SCUBE1: variants seen among roughly 807,000 people sequenced by gnomAD.
The protein encoded by SCUBE1 is signal peptide, CUB and EGF-like domain-containing protein 1.
In SCUBE1, 59 loss-of-function variants were observed where a neutral mutation model predicts 124.4. The observed-to-expected ratio is 0.47, with a 90% CI of 0.38 to 0.59. The LOEUF is 0.59. SCUBE1 is among the 20% of genes least tolerant of loss of function. The pLI, the probability that SCUBE1 is intolerant of heterozygous loss-of-function variation, is 0.00. For synonymous variants in SCUBE1, 545 were observed against 550.9 expected (o/e 0.99, Z 0.15); for missense variants, 1,150 against 1,371.2 (o/e 0.84, Z 2.55).
In SCUBE1 at chr22:43,203,693, A is replaced by G. The variant is rs1471450494; in HGVS notation, c.*304T>C. 1.7e-5 allele frequency: 5 copies of G among 286,796 alleles called. No individual in the cohort carries two copies. Among genetic ancestry groups the G allele is most frequent in the African/African-American group, 1.1e-4 (5 of 45,276 alleles). 17.8% of individuals were successfully genotyped at this position (286,796 alleles called of 1,614,324 possible). On this transcript the variant is annotated 3_prime_UTR_variant, in exon 22 of 22. Coordinates refer to ENST00000360835, the MANE Select transcript of SCUBE1 (RefSeq NM_173050.5). ...CCCCTCTCTCCTGAAACGCCAGGCC[A>G]GGCAGAGGGTCCTGCAATCCTGCTA...
chr22:43,251,383 C>T (rs1259794569), intron 6 of SCUBE1, among the ~76,000 whole-genome samples: 1 of 152,206 alleles, frequency 6.6e-6, no homozygotes, highest in African/African-American at 2.4e-5. Context: ...AATAATGCCC[C>T]CTTAAAATGC....
At chr22:43,341,043 A>G (rs1927296262) in intron 1 of SCUBE1, among the ~76,000 whole-genome samples, 1 of 143,454 alleles carries the variant, frequency 7.0e-6, no homozygotes, top group African/African-American at 2.6e-5. Flanking sequence ...CTGAAGGAAG[A>G]GAGGCATCAA....
chr22:43,212,961 G>C (rs1007603495), intron 16 of SCUBE1, among the ~76,000 whole-genome samples: 1 of 152,168 alleles, frequency 6.6e-6, no homozygotes, highest in Non-Finnish European at 1.5e-5. Flanking sequence ...CTGCACCGGG[G>C]TCTCCGCAGA....
intron 7 of SCUBE1, chr22:43,238,633 C>T (rs1049705319): frequency 1.8e-5 from 12 of 650,326 alleles, no homozygotes; most frequent in Admixed American, 6.8e-5. Flanking sequence ...TGTGTTCTCT[C>T]GAACTCTGCT....
In SCUBE1 at chr22:43,281,512, T is replaced by TTCA. The variant is rs1569010943; in HGVS notation, c.484+9533_484+9534insTGA. 7.6e-4 allele frequency among the ~76,000 whole-genome samples: 61 copies of TTCA among 80,298 alleles called. 3 individuals are homozygous for TTCA. In the East Asian group the frequency reaches 9.9e-3, roughly 13 times the overall value. 52.7% of individuals were successfully genotyped at this position (80,298 alleles called of 152,430 possible). A position where few individuals can be genotyped will look rare whatever the true frequency, so the allele number is the denominator to read the frequency against. ...TGGCCACCCTCCTGTCACCTCCTCC[T>TTCA]CAGCCACCCTCCTGTCACCTCCCTC... On this transcript the variant is annotated intron_variant, in intron 4 of 21. Coordinates refer to ENST00000360835, the MANE Select transcript of SCUBE1 (RefSeq NM_173050.5).
In SCUBE1 at chr22:43,214,107, T is replaced by C. The variant is rs1921700494; in HGVS notation, c.2036A>G (p.Asn679Ser). The change falls in exon 16 of 22, where the codon AAC becomes AGC. Residue 679 changes from asparagine (N) to serine (S), a missense_variant. By Grantham distance (46) the Asn-to-Ser change is conservative. This residue lies in a region of SCUBE1 where 757 missense variants were observed against 840.9 expected (regional missense o/e 0.90). Coordinates refer to ENST00000360835, the MANE Select transcript of SCUBE1 (RefSeq NM_173050.5). ...GCACTTGCCTCCACATTCCGACACG[T>C]TGCGGGCACCAGGCAGACCAAGCCC... The part of the protein sequence containing the change: ...SDGLGLPGAR[N>S]VSECGGQCSP... 1 of 1,371,522 alleles carries C rather than the reference T, an allele frequency of 7.3e-7. No homozygotes were observed. Among genetic ancestry groups the C allele is most frequent in the African/African-American group, 1.6e-5 (1 of 62,446 alleles). 85.0% of individuals were successfully genotyped at this position (1,371,522 alleles called of 1,614,324 possible). A position where few individuals can be genotyped will look rare whatever the true frequency, so the allele number is the denominator to read the frequency against.
intron 2 of SCUBE1, among the ~76,000 whole-genome samples, chr22:43,334,563 C>T (rs1263422757): frequency 6.6e-6 from 1 of 152,050 alleles, no homozygotes; most frequent in Non-Finnish European, 1.5e-5. Flanking sequence ...TCATCAATAT[C>T]ACCATCATCA....
At chr22:43,264,650 T>A (rs1011585451) in intron 4 of SCUBE1, among the ~76,000 whole-genome samples, 3 of 151,972 alleles carry the variant, frequency 2.0e-5, no homozygotes, top group Admixed American at 2.0e-4. Flanking sequence ...GAGTCCAGGG[T>A]CGCCCCCTTC....
chr22:43,329,509 C>A (rs1926836128), intron 2 of SCUBE1, among the ~76,000 whole-genome samples: 1 of 152,268 alleles, frequency 6.6e-6, no homozygotes, highest in Admixed American at 6.5e-5. Context: ...TGGACACACT[C>A]CCAGCTCCAC....
chr22:43,268,343 G>A lies in SCUBE1; in HGVS notation c.485-5498C>T, dbSNP rs1413235633. On this transcript the variant is annotated intron_variant, in intron 4 of 21. Coordinates refer to ENST00000360835, the MANE Select transcript of SCUBE1 (RefSeq NM_173050.5). ...GAACCATGGAGAGGCAAGTTCAGCAGAGAGCCCTGCTGGTCTCCCCTTCTT... is the reference window on the plus strand; with the variant it reads ...GAACCATGGAGAGGCAAGTTCAGCAAAGAGCCCTGCTGGTCTCCCCTTCTT... Among the ~76,000 whole-genome samples, 3 of 152,406 alleles carry A rather than the reference G, an allele frequency of 2.0e-5. No homozygotes were observed. In the East Asian group the frequency reaches 5.8e-4, roughly 29 times the overall value.
rs898004896 is a variant in SCUBE1, at chr22:43,238,358, T to A, written c.844+480A>T. 10 of 258,026 alleles carry A rather than the reference T, an allele frequency of 3.9e-5. No individual in the cohort carries two copies. In the East Asian group the frequency reaches 8.4e-4, roughly 22 times the overall value. The allele number at this position is 258,026 out of a possible 1,614,324, so 16.0% of individuals were successfully genotyped here. A position where few individuals can be genotyped will look rare whatever the true frequency, so the allele number is the denominator to read the frequency against. The stretch of plus-strand genomic sequence containing the variant: ...CCTAGTAGTGACACACTGTCCTTAT[T>A]TTTCCTGGCATGAGTAGACCTGTGT... On this transcript the variant is annotated intron_variant, in intron 7 of 21. Coordinates refer to ENST00000360835, the MANE Select transcript of SCUBE1 (RefSeq NM_173050.5).
intron 21 of SCUBE1, among the ~76,000 whole-genome samples, chr22:43,205,030 G>C (rs1430493702): frequency 1.3e-5 from 2 of 152,016 alleles, no homozygotes; most frequent in African/African-American, 4.8e-5. Flanking sequence ...AGAACACCCA[G>C]CCAAGAGCAC....
At position 43,280,535 on chromosome 22, in the gene SCUBE1, C is replaced by T. The variant is rs1352267184; in HGVS notation, c.484+10511G>A. On this transcript the variant is annotated intron_variant, in intron 4 of 21. Transcript: ENST00000360835. ...CCATCCTGCTGTCCCTTCCCCTCAC[C>T]CATCCTCCTGTCCCTTCCCCTCACC... Among the ~76,000 whole-genome samples the T allele has an allele frequency of 4.8e-5, 7 of 145,892 alleles. 1 individual carries two copies. Among genetic ancestry groups the T allele is most frequent in the African/African-American group, 1.6e-4 (6 of 38,482 alleles).
intron 2 of SCUBE1, among the ~76,000 whole-genome samples, chr22:43,322,522 C>G: frequency 6.6e-6 from 1 of 152,288 alleles, no homozygotes; most frequent in East Asian, 1.9e-4. Context: ...GCTACCAACG[C>G]GTGGTTTTTC....
At chr22:43,309,995 G>A (rs936161179) in intron 3 of SCUBE1, among the ~76,000 whole-genome samples, 8 of 152,144 alleles carry the variant, frequency 5.3e-5, no homozygotes, top group Admixed American at 3.3e-4. Context: ...AGCCAGAAGC[G>A]CTTTTTAAAT....
chr22:43,264,588 C>A (rs1923992715), intron 4 of SCUBE1, among the ~76,000 whole-genome samples: 1 of 152,150 alleles, frequency 6.6e-6, no homozygotes, highest in African/African-American at 2.4e-5. Context: ...TGGGTGGTGG[C>A]CAGCAAGCCA....
intron 4 of SCUBE1, among the ~76,000 whole-genome samples, chr22:43,275,120 T>C (rs1379653192): frequency 6.6e-6 from 1 of 152,010 alleles, no homozygotes; most frequent in East Asian, 1.9e-4. Flanking sequence ...GAGGGAAAGG[T>C]GTTCTGGAGC....
intron 19 of SCUBE1, among the ~76,000 whole-genome samples, chr22:43,209,757 C>A (rs1232499417): frequency 6.6e-6 from 1 of 152,216 alleles, no homozygotes; most frequent in Non-Finnish European, 1.5e-5. Context: ...GGATGAGGGC[C>A]CGGCTCGTGG....
At chr22:43,272,662 GA>G (rs1924338378) in intron 4 of SCUBE1, 1 of 152,230 alleles carries the variant, frequency 6.6e-6, no homozygotes, top group South Asian at 2.1e-4. Flanking sequence ...AGTGAAGCCC[GA>G]ATGGGTGCCC....
Sources: gnomAD v4.1 joint callset for allele counts (sites outside exome capture counted in the v4.1 genomes callset) on GRCh38, gnomAD v4.1.1 for gene constraint, gnomAD v4.1.1 regional missense constraint, MANE v1.5 for transcripts, NCBI Gene and HGNC (gene_info 2026-07-23, HGNC 2026-07-21) for gene names.